The following ZNF385B variants were observed in gnomAD, a reference collection of about 807,000 sequenced individuals.
ZNF385B encodes zinc finger protein 385B.
Under a neutral mutation model 39.2 loss-of-function variants are expected in ZNF385B, and 23 were observed. That is an observed-to-expected ratio of 0.59 (90% CI 0.42 to 0.83). The LOEUF is 0.83. ZNF385B is among the 40% of genes least tolerant of loss of function. The pLI is 0.00. For missense variants in ZNF385B, 552 were observed against 598.9 expected, an observed-to-expected ratio of 0.92 and a Z score of 0.82; for synonymous variants, 205 against 222.6, an observed-to-expected ratio of 0.92 and a Z score of 0.70.
At chr2:179,583,893 T>G (rs1574900967) in intron 3 of ZNF385B, 11 of 1,302,178 alleles carry the variant, frequency 8.4e-6, no homozygotes, top group Non-Finnish European at 1.0e-5. Context: ...ATATAAATTA[T>G]ACATTTTCTC....
At chr2:179,769,859 T>G (rs1449732648) in intron 2 of ZNF385B, 57 bp from the exon 3 acceptor site, 2 of 1,465,778 alleles carry the variant, frequency 1.4e-6, no homozygotes, top group African/African-American at 2.8e-5. Flanking sequence ...TATTTTCTAG[T>G]ATGATTACAA....
At chr2:179,794,389 G>C (rs1400808276) in intron 1 of ZNF385B, among the ~76,000 whole-genome samples, 1 of 109,460 alleles carries the variant, frequency 9.1e-6, no homozygotes, top group Non-Finnish European at 1.9e-5. Context: ...AGTTTCTGGA[G>C]GTGTCAGAAT....
intron 3 of ZNF385B, among the ~76,000 whole-genome samples, chr2:179,768,867 G>T (rs550996111): frequency 3.6e-4 from 55 of 152,336 alleles, no homozygotes; most frequent in African/African-American, 1.2e-3. Flanking sequence ...AAATTCCTGA[G>T]CTTCTGCTTC....
chr2:179,627,483 G>C (rs1212295345), intron 3 of ZNF385B, among the ~76,000 whole-genome samples: 1 of 152,142 alleles, frequency 6.6e-6, no homozygotes, highest in East Asian at 1.9e-4. Context: ...CTGAACAAGA[G>C]GAAACAGAGG....
Position 179,756,403 on chromosome 2 carries a change from C to T in ZNF385B, c.298+13100G>A, listed in dbSNP as rs534290948. Among the ~76,000 whole-genome samples the T allele has an allele frequency of 4.6e-5, 7 of 152,232 alleles. No homozygotes were observed. In the East Asian group the frequency reaches 1.2e-3, roughly 25 times the overall value. ...GTAACCCGACCTTTCTCTCTGGCTG[C>T]CCTTAACATTTTTTCCTTCATTTCA... On this transcript the variant is annotated intron_variant, in intron 3 of 9. Coordinates refer to ENST00000410066, the MANE Select transcript of ZNF385B (RefSeq NM_152520.6).
intron 3 of ZNF385B, among the ~76,000 whole-genome samples, chr2:179,693,838 A>G (rs929538336): frequency 2.6e-5 from 4 of 152,220 alleles, no homozygotes; most frequent in African/African-American, 7.2e-5. Flanking sequence ...TGTTTGTCTG[A>G]TTGTAATATT....
chr2:179,654,834 C>A (rs1258271312), intron 3 of ZNF385B, among the ~76,000 whole-genome samples: 2 of 152,158 alleles, frequency 1.3e-5, no homozygotes, highest in Non-Finnish European at 2.9e-5. Flanking sequence ...ACCTATAGTG[C>A]ACCCAACTTG....
intron 3 of ZNF385B, chr2:179,637,179 G>A (rs1432819914): frequency 1.3e-5 from 2 of 152,098 alleles, no homozygotes; most frequent in Non-Finnish European, 2.9e-5. Context: ...AAAATTTCCA[G>A]AGCTATTATT....
chr2:179,814,691 T>C, intron 1 of ZNF385B: 1 of 285,440 alleles, frequency 3.5e-6, no homozygotes, highest in South Asian at 4.1e-5. Context: ...CCTCAGGCTG[T>C]GTGGATAAAT....
chr2:179,577,978 C>T (rs763888365), intron 3 of ZNF385B, among the ~76,000 whole-genome samples: 5 of 152,076 alleles, frequency 3.3e-5, no homozygotes, highest in African/African-American at 7.2e-5. Flanking sequence ...TTACTTATTA[C>T]TTAATTACAT....
At chr2:179,537,537 C>T (rs991006212) in intron 4 of ZNF385B, among the ~76,000 whole-genome samples, 1 of 151,766 alleles carries the variant, frequency 6.6e-6, no homozygotes. Context: ...CTCAGGAGTT[C>T]GAGACCAGTC....
chr2:179,833,248 T>C (rs1708076777), intron 1 of ZNF385B, among the ~76,000 whole-genome samples: 1 of 152,148 alleles, frequency 6.6e-6, no homozygotes, highest in Non-Finnish European at 1.5e-5. Context: ...ATTTTGACTA[T>C]TTCAGGAGAA....
At chr2:179,536,266 C>G (rs1467926341) in intron 4 of ZNF385B, 2 of 151,940 alleles carry the variant, frequency 1.3e-5, no homozygotes, top group African/African-American at 4.8e-5. Flanking sequence ...GAATAAGATA[C>G]AAATTTTTAA....
chr2:179,799,754 C>T (rs2106552722), intron 1 of ZNF385B, among the ~76,000 whole-genome samples: 1 of 152,164 alleles, frequency 6.6e-6, no homozygotes, highest in East Asian at 1.9e-4. Context: ...CCAAAGCATT[C>T]TGCAAACTTA....
chr2:179,579,502 C>T (rs1397969342), intron 3 of ZNF385B, among the ~76,000 whole-genome samples: 1 of 151,880 alleles, frequency 6.6e-6, no homozygotes, highest in Non-Finnish European at 1.5e-5. Flanking sequence ...TTGTTAATTG[C>T]TTTAATCTGT....
Position 179,836,567 on chromosome 2 carries a change from G to A in ZNF385B, c.-155+24534C>T, listed in dbSNP as rs561039556. Reference sequence around the variant, plus strand: ...CGCTCTGTCGCCCAGGCCAGACTGCGGACTGCAGTGGCGCAATCTCGGCTC... The same window carrying A: ...CGCTCTGTCGCCCAGGCCAGACTGCAGACTGCAGTGGCGCAATCTCGGCTC... On this transcript the variant is annotated intron_variant, in intron 1 of 9. Transcript: ENST00000410066. 6.6e-3 allele frequency among the ~76,000 whole-genome samples: 883 copies of A among 132,966 alleles called. 14 individuals are homozygous for A. Among genetic ancestry groups the A allele is most frequent in the African/African-American group, 0.025 (850 of 34,588 alleles). The allele number at this position is 132,966 out of a possible 152,430, so 87.2% of individuals were successfully genotyped here. A position where few individuals can be genotyped will look rare whatever the true frequency, so the allele number is the denominator to read the frequency against.
chr2:179,597,043 C>A (rs1453015707), intron 3 of ZNF385B, among the ~76,000 whole-genome samples: 2 of 152,112 alleles, frequency 1.3e-5, no homozygotes, highest in African/African-American at 2.4e-5. Context: ...TTTCAGTTCC[C>A]AATAATTTGT....
intron 3 of ZNF385B, among the ~76,000 whole-genome samples, chr2:179,723,369 C>T (rs1371892477): frequency 1.3e-5 from 2 of 152,012 alleles, no homozygotes; most frequent in African/African-American, 4.8e-5. Flanking sequence ...ACCAGTATTG[C>T]TTCTAATTAA....
chr2:179,472,763 C>A (rs1179981070), intron 6 of ZNF385B, among the ~76,000 whole-genome samples: 2 of 152,248 alleles, frequency 1.3e-5, no homozygotes, highest in East Asian at 1.9e-4. Context: ...ATCATACCCC[C>A]CCTCCCTAGC....
Sources: allele counts gnomAD v4.1 joint callset (sites outside exome capture counted in the v4.1 genomes callset), GRCh38; gene constraint gnomAD v4.1.1; transcripts MANE v1.5; gene names NCBI Gene and HGNC (gene_info 2026-07-23, HGNC 2026-07-21).